Variants in FRAS1 observed in about 807,000 individuals in gnomAD.
FRAS1 encodes Fraser extracellular matrix complex subunit 1, also known as extracellular matrix organizing protein FRAS1.
FRAS1 carries 290 observed loss-of-function variants against 435.2 expected under a neutral mutation model. The ratio of observed to expected loss-of-function variants is 0.67; its 90% CI spans 0.61 to 0.73. FRAS1 has a LOEUF of 0.73. Ranked by LOEUF, FRAS1 falls within the 30% of genes least tolerant of loss-of-function variation. FRAS1 has a pLI of 0.00. For missense variants in FRAS1, 4,860 were observed against 5,001.5 expected (o/e 0.97, Z 0.85); for synonymous variants, 1,800 against 1,851.0 (o/e 0.97, Z 0.71).
intron 2 of FRAS1, among the ~76,000 whole-genome samples, chr4:78,169,827 G>A: frequency 6.6e-6 from 1 of 152,062 alleles, no homozygotes; most frequent in East Asian, 1.9e-4. Context: ...GCAGTGGAAA[G>A]GCATAGGTTC....
chr4:78,123,128 T>C (rs954363075), intron 2 of FRAS1, among the ~76,000 whole-genome samples: 5 of 152,246 alleles, frequency 3.3e-5, no homozygotes, highest in African/African-American at 9.6e-5. Context: ...TTTAAGTCTT[T>C]GATCCATGTT....
At chr4:78,493,283 G>A (rs1276904238) in intron 59 of FRAS1, among the ~76,000 whole-genome samples, 2 of 152,110 alleles carry the variant, frequency 1.3e-5, no homozygotes, top group Non-Finnish European at 2.9e-5. Context: ...ATACGATTTG[G>A]CCTAGCAATC....
chr4:78,456,095 A>G (rs1263236049), intron 47 of FRAS1, among the ~76,000 whole-genome samples: 1 of 149,426 alleles, frequency 6.7e-6, no homozygotes, highest in Non-Finnish European at 1.5e-5. Flanking sequence ...GAAGCCCCAC[A>G]TCCATTTTGG....
Position 78,225,512 on chromosome 4 carries a change from CT to C in FRAS1, c.109-11997del, listed in dbSNP as rs148196989. ...CGGCTCTTTTTCTATAGTATGTTCC[CT>C]CTCTAATTATTTATTTTGCTTTGTT... On this transcript the variant is annotated intron_variant, in intron 2 of 73. Transcript: ENST00000512123. 7.4e-3 allele frequency among the ~76,000 whole-genome samples: 1,128 copies of C among 152,254 alleles called. 21 individuals carry two copies. Among genetic ancestry groups the C allele is most frequent in the African/African-American group, 0.026 (1,066 of 41,550 alleles).
intron 38 of FRAS1, among the ~76,000 whole-genome samples, chr4:78,436,470 C>T (rs1057466576): frequency 1.3e-5 from 2 of 152,140 alleles, no homozygotes; most frequent in Admixed American, 6.5e-5. Flanking sequence ...TGGATTACTA[C>T]CCAAAAGAAA....
At chr4:78,272,539 G>T (rs534530416) in intron 9 of FRAS1, among the ~76,000 whole-genome samples, 1 of 152,294 alleles carries the variant, frequency 6.6e-6, no homozygotes, top group African/African-American at 2.4e-5. Context: ...TGGCTAGCCA[G>T]TTTTCCCAGT....
chr4:78,410,198 C>G (rs1004975530), intron 31 of FRAS1, among the ~76,000 whole-genome samples: 2 of 152,178 alleles, frequency 1.3e-5, no homozygotes, highest in Middle Eastern at 3.2e-3. Context: ...ATATGGAGCA[C>G]TTCCCTGGAA....
intron 6 of FRAS1, among the ~76,000 whole-genome samples, chr4:78,256,764 A>C (rs1725814775): frequency 6.6e-6 from 1 of 152,312 alleles, no homozygotes; most frequent in South Asian, 2.1e-4. Flanking sequence ...AATTCTGAAG[A>C]CTTGGAAATA....
At chr4:78,295,999 C>T (rs77454602) in intron 14 of FRAS1, among the ~76,000 whole-genome samples, 2,083 of 151,928 alleles carry the variant, frequency 0.014, 53 homozygotes, top group African/African-American at 0.047. Context: ...GTGATCCACC[C>T]GCGTTGGCCT....
chr4:78,218,360 T>C (rs1372259825), intron 2 of FRAS1, among the ~76,000 whole-genome samples: 1 of 151,808 alleles, frequency 6.6e-6, no homozygotes, highest in Non-Finnish European at 1.5e-5. Context: ...TATCTGGAAA[T>C]ATGCTCACAT....
In FRAS1 at chr4:78,521,569, A is replaced by G. The variant is rs775451018; in HGVS notation, c.10587A>G (p.Arg3529=). Residue 3529 remains arginine, a synonymous_variant, in exon 68 of 74, where the codon AGA becomes AGG. Transcript: ENST00000512123. ...TCTCTGCAAGGCTTCAGATAATAAG[A>G]ATCTACATTCGAGAGGATGGCCGTC... ...SVLSARLQII[R]IYIREDGRLV... is the part of the protein sequence containing the mutation. The G allele has an allele frequency of 1.2e-6, 2 of 1,611,782 alleles. No individual in the cohort carries two copies. The highest frequency in any genetic ancestry group is 2.7e-5 in the African/African-American group (2 of 74,800).
intron 2 of FRAS1, among the ~76,000 whole-genome samples, chr4:78,191,524 G>A (rs1340662601): frequency 3.6e-5 from 4 of 109,696 alleles, no homozygotes; most frequent in Non-Finnish European, 5.4e-5. Flanking sequence ...GGATTTGTTT[G>A]TATTATTTTC....
chr4:78,095,616 T>C lies in FRAS1; in HGVS notation c.108+29600T>C, dbSNP rs536215069. On this transcript the variant is annotated intron_variant, in intron 2 of 73. Transcript: ENST00000512123. ...GGCTGTGGAGGAGTCCTCACAATCATGGCGGAAGCCAAGGAGGAACAAGTC... is the reference window on the plus strand; with the variant it reads ...GGCTGTGGAGGAGTCCTCACAATCACGGCGGAAGCCAAGGAGGAACAAGTC... Among the ~76,000 whole-genome samples the C allele has an allele frequency of 3.9e-5, 6 of 152,304 alleles. No homozygotes were observed. In the South Asian group the frequency reaches 1.2e-3, roughly 32 times the overall value.
chr4:78,520,189 C>A (rs1226660054), intron 67 of FRAS1, among the ~76,000 whole-genome samples: 2 of 152,048 alleles, frequency 1.3e-5, no homozygotes, highest in Non-Finnish European at 2.9e-5. Flanking sequence ...CACATAGATG[C>A]TCCTTAAAAC....
intron 2 of FRAS1, among the ~76,000 whole-genome samples, chr4:78,225,467 A>G (rs1430516921): frequency 2.6e-5 from 4 of 152,190 alleles, no homozygotes; most frequent in Admixed American, 6.5e-5. Flanking sequence ...GCCAGAATCC[A>G]GGTTCTGACT....
intron 2 of FRAS1, among the ~76,000 whole-genome samples, chr4:78,119,847 C>T (rs573917239): frequency 2.0e-5 from 3 of 152,296 alleles, no homozygotes; most frequent in Admixed American, 6.5e-5. Context: ...CTTTGGAGAA[C>T]ATTACTAAAC....
At chr4:78,148,121 A>T (rs760230125) in intron 2 of FRAS1, among the ~76,000 whole-genome samples, 1 of 152,060 alleles carries the variant, frequency 6.6e-6, no homozygotes, top group Non-Finnish European at 1.5e-5. Flanking sequence ...AGAAATGAGG[A>T]GTTATTTGGG....
Position 78,188,768 on chromosome 4 carries a change from C to T in FRAS1, c.109-48742C>T, listed in dbSNP as rs79009323. ...TTTATATGGACTCTGTAAAGGGAAA[C>T]ATTCTGTATTTTTCTAATGAAGGGT... On this transcript the variant is annotated intron_variant, in intron 2 of 73. Coordinates refer to ENST00000512123, the MANE Select transcript of FRAS1 (RefSeq NM_025074.7). Among the ~76,000 whole-genome samples, 508 of 152,266 alleles carry T rather than the reference C, an allele frequency of 3.3e-3. 5 individuals are homozygous for T. Among genetic ancestry groups the T allele is most frequent in the African/African-American group, 0.012 (493 of 41,542 alleles).
At chr4:78,531,776 C>T (rs1024459837) in intron 70 of FRAS1, among the ~76,000 whole-genome samples, 1 of 152,126 alleles carries the variant, frequency 6.6e-6, no homozygotes, top group Non-Finnish European at 1.5e-5. Context: ...CCCCATATGG[C>T]CCACAAAGTT....
Sources: gnomAD v4.1 joint callset for allele counts (sites outside exome capture counted in the v4.1 genomes callset) on GRCh38, gnomAD v4.1.1 for gene constraint, MANE v1.5 for transcripts, NCBI Gene and HGNC (gene_info 2026-07-23, HGNC 2026-07-21) for gene names.